Variants in SUSD5 observed in about 807,000 individuals in gnomAD.
SUSD5 encodes the protein sushi domain containing 5, also known as sushi domain-containing protein 5.
A neutral mutation model predicts 29.5 loss-of-function variants in SUSD5; 33 were observed. The observed-to-expected ratio is 1.12, with a 90% confidence interval of 0.85 to 1.49. The LOEUF is 1.49. Among genes scored for constraint, SUSD5 ranks in the 40% most tolerant of loss-of-function variants. The pLI is 0.00. For missense variants in SUSD5, 776 were observed against 800.6 expected (o/e 0.97, Z 0.37); for synonymous variants, 308 against 325.3 (o/e 0.95, Z 0.57).
intron 1 of SUSD5, 105 bp downstream of exon 1, chr3:33,218,581 T>C: frequency 9.5e-7 from 1 of 1,048,948 alleles, no homozygotes; most frequent in Non-Finnish European, 1.2e-6. Context: ...AGGCTTGCGC[T>C]TGCCGCTTGC....
At chr3:33,189,672 C>A (rs537470581) in intron 3 of SUSD5, among the ~76,000 whole-genome samples, 10 of 152,210 alleles carry the variant, frequency 6.6e-5, no homozygotes, top group Admixed American at 4.6e-4. Flanking sequence ...ACATAAATCA[C>A]ACTAAAATGC....
intron 4 of SUSD5, among the ~76,000 whole-genome samples, chr3:33,172,157 A>G (rs557712195): frequency 2.0e-5 from 3 of 151,058 alleles, no homozygotes; most frequent in Admixed American, 6.6e-5. Context: ...GAAGCAATTC[A>G]TCTGGTGAAG....
chr3:33,158,931 C>T (rs975766337), intron 4 of SUSD5, among the ~76,000 whole-genome samples: 3 of 152,228 alleles, frequency 2.0e-5, no homozygotes, highest in Non-Finnish European at 1.5e-5. Context: ...ATTGCAGCCC[C>T]AAGACATCGA....
intron 2 of SUSD5, among the ~76,000 whole-genome samples, chr3:33,213,284 T>C (rs2032355712): frequency 6.6e-6 from 1 of 151,994 alleles, no homozygotes; most frequent in Non-Finnish European, 1.5e-5. Context: ...CACATGCCTA[T>C]AGTCTTAGCT....
rs1026821786 is a variant in SUSD5, at chr3:33,204,474, C to G, written c.409+3334G>C. On this transcript the variant is annotated intron_variant, in intron 3 of 4. Transcript: ENST00000309558. This position sits in a 1 kb window ranked among gnomAD's most constrained non-coding sequence, Gnocchi z 4.5. ...CAGCTGGGACGACAGGTGCCCACTACCACACCCGGCTAATTTTTTTGTATT... is the reference window on the plus strand; with the variant it reads ...CAGCTGGGACGACAGGTGCCCACTAGCACACCCGGCTAATTTTTTTGTATT... Among the ~76,000 whole-genome samples the G allele has an allele frequency of 6.6e-6, 1 of 152,044 alleles. No homozygotes were observed. Among genetic ancestry groups the G allele is most frequent in the African/African-American group, 2.4e-5 (1 of 41,398 alleles).
intron 1 of SUSD5, among the ~76,000 whole-genome samples, chr3:33,214,613 T>C (rs913706376): frequency 2.0e-5 from 3 of 152,180 alleles, no homozygotes; most frequent in Non-Finnish European, 2.9e-5. Context: ...TTGTGTCTGC[T>C]GTACTTCTGT....
chr3:33,173,253 G>C (rs1165334886), intron 4 of SUSD5, among the ~76,000 whole-genome samples: 1 of 152,218 alleles, frequency 6.6e-6, no homozygotes, highest in African/African-American at 2.4e-5. Context: ...GAACGACAAG[G>C]ACTCTCAGAC....
At chr3:33,189,129 A>C (rs2031839262) in intron 3 of SUSD5, among the ~76,000 whole-genome samples, 1 of 152,180 alleles carries the variant, frequency 6.6e-6, no homozygotes, top group Non-Finnish European at 1.5e-5. Context: ...TTACTAATAC[A>C]TGGAAATCTA....
At chr3:33,161,078 T>C (rs1047037507) in intron 4 of SUSD5, among the ~76,000 whole-genome samples, 4 of 152,318 alleles carry the variant, frequency 2.6e-5, no homozygotes, top group African/African-American at 7.2e-5. Flanking sequence ...TCTTACTCTA[T>C]GAAAATGTCA....
chr3:33,165,369 G>A (rs938801598), intron 4 of SUSD5, among the ~76,000 whole-genome samples: 2 of 152,190 alleles, frequency 1.3e-5, no homozygotes, highest in African/African-American at 4.8e-5. Flanking sequence ...GGCTGGGACT[G>A]AAAGGGAGCA....
chr3:33,155,981 G>A (rs979107077), intron 4 of SUSD5, among the ~76,000 whole-genome samples: 1 of 151,818 alleles, frequency 6.6e-6, no homozygotes, highest in Non-Finnish European at 1.5e-5. Flanking sequence ...GTTTATTCTT[G>A]ATAATTCATT....
At chr3:33,212,107 C>T (rs1437996550) in intron 2 of SUSD5, among the ~76,000 whole-genome samples, 2 of 152,060 alleles carry the variant, frequency 1.3e-5, no homozygotes, top group Non-Finnish European at 2.9e-5. Context: ...ATGTTCCCAG[C>T]AAAAAATAAA....
intron 2 of SUSD5, among the ~76,000 whole-genome samples, chr3:33,210,085 T>C (rs2032294934): frequency 6.6e-6 from 1 of 152,210 alleles, no homozygotes; most frequent in Admixed American, 6.5e-5. Context: ...AACTAGTTAT[T>C]TTATATTGTG....
chr3:33,178,612 A>C (rs1245129125), intron 3 of SUSD5, among the ~76,000 whole-genome samples: 1 of 151,948 alleles, frequency 6.6e-6, no homozygotes, highest in Non-Finnish European at 1.5e-5. Context: ...ACGCCCGGCT[A>C]ATTTTTTGTA....
intron 3 of SUSD5, among the ~76,000 whole-genome samples, chr3:33,182,527 T>A (rs2031693557): frequency 6.6e-6 from 1 of 152,224 alleles, no homozygotes; most frequent in African/African-American, 2.4e-5. Context: ...TGTTTAAATC[T>A]CCAACTACAA....
At chr3:33,177,586 G>A (rs1014695471) in intron 3 of SUSD5, among the ~76,000 whole-genome samples, 2 of 152,030 alleles carry the variant, frequency 1.3e-5, no homozygotes, top group African/African-American at 4.8e-5. Flanking sequence ...ATGGCTCTCT[G>A]CAGCCTTGAC....
intron 2 of SUSD5, 67 bp downstream of exon 2, chr3:33,213,861 T>G: frequency 6.7e-7 from 1 of 1,482,960 alleles, no homozygotes. Context: ...GAACAATTAC[T>G]GAGTCCTATA....
At chr3:33,196,936 A>G (rs2032007022) in intron 3 of SUSD5, among the ~76,000 whole-genome samples, 1 of 152,192 alleles carries the variant, frequency 6.6e-6, no homozygotes, top group South Asian at 2.1e-4. Context: ...ACTTTGGACA[A>G]ATTACTTAAC....
intron 4 of SUSD5, among the ~76,000 whole-genome samples, chr3:33,154,965 T>C (rs1001304527): frequency 6.6e-5 from 10 of 152,164 alleles, no homozygotes; most frequent in Admixed American, 3.9e-4. Flanking sequence ...AATGTAAGAA[T>C]AGACAAGGCG....
Sources: gnomAD v4.1 joint callset for allele counts (sites outside exome capture counted in the v4.1 genomes callset) on GRCh38, gnomAD v4.1.1 for gene constraint, Gnocchi (gnomAD v3.1) non-coding constraint, MANE v1.5 for transcripts, NCBI Gene and HGNC (gene_info 2026-07-23, HGNC 2026-07-21) for gene names.